The following RNF157 variants were observed in gnomAD, a reference collection of about 807,000 sequenced individuals.
RNF157 encodes the protein E3 ubiquitin ligase RNF157.
A neutral mutation model predicts 88.3 loss-of-function variants in RNF157; 55 were observed. The ratio of observed to expected loss-of-function variants is 0.62; its 90% CI spans 0.50 to 0.78. RNF157 has a LOEUF of 0.78. Ranked by LOEUF, RNF157 falls within the 30% of genes least tolerant of loss-of-function variation. The pLI, the probability that RNF157 is intolerant of heterozygous loss-of-function variation, is 0.00. For synonymous variants in RNF157, 334 were observed against 341.2 expected (o/e 0.98, Z 0.23); for missense variants, 788 against 860.8 (o/e 0.92, Z 1.06).
rs2068762834 is a variant in RNF157, at chr17:76,156,295, C to G, written c.1440G>C (p.Glu480Asp). 33 of 1,613,976 alleles carry G rather than the reference C, an allele frequency of 2.0e-5. No individual in the cohort carries two copies. The East Asian group carries it at 7.1e-4, about 35-fold the overall frequency. ...GEECGVTPES[E>D]NLTLSSSGAI... Reference sequence around the variant, plus strand: ...CTCCAGATGACGACAAGGTGAGATTCTCACTTTCTGGAGTCACACCACATT... The same window carrying G: ...CTCCAGATGACGACAAGGTGAGATTGTCACTTTCTGGAGTCACACCACATT... Residue 480 changes from glutamate (E) to aspartate (D), a missense_variant, in exon 14 of 19, where the codon GAG becomes GAC. Glu to Asp is a conservative substitution (Grantham distance 45). Coordinates refer to ENST00000269391, the MANE Select transcript of RNF157 (RefSeq NM_052916.3).
At chr17:76,166,261 C>T (rs2068922844) in intron 6 of RNF157, among the ~76,000 whole-genome samples, 200 bp downstream of exon 6, 1 of 150,586 alleles carries the variant, frequency 6.6e-6, no homozygotes, top group Admixed American at 6.6e-5. Context: ...ACGTGTGAGC[C>T]ACTGTGCCCA....
At chr17:76,226,465 G>A (rs771228854) in intron 1 of RNF157, 598 of 1,604,802 alleles carry the variant, frequency 3.7e-4, no homozygotes, top group Non-Finnish European at 4.8e-4. Context: ...CATCCAACGT[G>A]GTCAAAAGGT....
At chr17:76,164,294 AT>A (rs1481232675) in intron 8 of RNF157, 1 of 152,674 alleles carries the variant, frequency 6.5e-6, no homozygotes, top group Admixed American at 6.5e-5. Flanking sequence ...CTAACTTTGA[AT>A]TTTAGAAAAG....
chr17:76,171,256 T>C (rs2069010040), intron 3 of RNF157, among the ~76,000 whole-genome samples: 1 of 151,938 alleles, frequency 6.6e-6, no homozygotes, highest in Non-Finnish European at 1.5e-5. Context: ...TGGTACAATC[T>C]CGGCTCACTG....
At chr17:76,169,188 T>G (rs2068974168) in intron 3 of RNF157, among the ~76,000 whole-genome samples, 1 of 152,216 alleles carries the variant, frequency 6.6e-6, no homozygotes, top group Non-Finnish European at 1.5e-5. Context: ...TCTTTCTTCT[T>G]CTATTTTCCT....
chr17:76,216,980 G>GA (rs1718913538), intron 1 of RNF157, among the ~76,000 whole-genome samples: 1 of 152,234 alleles, frequency 6.6e-6, no homozygotes, highest in African/African-American at 2.4e-5. Flanking sequence ...AACTGGGAAT[G>GA]ATTTTCTCAA....
chr17:76,159,306 G>A (rs752159400), intron 12 of RNF157, 29 bp downstream of exon 12: 3 of 1,572,122 alleles, frequency 1.9e-6, no homozygotes, highest in South Asian at 1.1e-5. Context: ...GGATTCCGGG[G>A]GCAACAGTGT....
In RNF157 at chr17:76,147,126, G is replaced by A. The variant is rs1285893949; in HGVS notation, c.1922-1773C>T. The A allele has an allele frequency of 3.0e-6, 3 of 984,700 alleles. No individual in the cohort carries two copies. In the African/African-American group the frequency reaches 5.3e-5, roughly 17 times the overall value. 61.0% of individuals were successfully genotyped at this position (984,700 alleles called of 1,614,324 possible). On this transcript the variant is annotated intron_variant, in intron 18 of 18. Coordinates refer to ENST00000269391, the MANE Select transcript of RNF157 (RefSeq NM_052916.3). ...TGGAGCCTGGGACATGAGTCAAGGT[G>A]TTTTTTTTCACCTCTAATGGTGGCA...
chr17:76,180,578 T>C (rs2069173543), intron 2 of RNF157, among the ~76,000 whole-genome samples: 2 of 152,206 alleles, frequency 1.3e-5, no homozygotes, highest in African/African-American at 4.8e-5. Context: ...TTACTTTACA[T>C]ATTTTTTATC....
intron 1 of RNF157, among the ~76,000 whole-genome samples, chr17:76,223,561 A>T (rs2070026499): frequency 6.6e-6 from 1 of 152,206 alleles, no homozygotes; most frequent in Admixed American, 6.5e-5. Flanking sequence ...AAAGAGGGAT[A>T]ATGAATTGAT....
Position 76,172,751 on chromosome 17 carries a change from GA to G in RNF157, c.296+950del, listed in dbSNP as rs1181876878. Among the ~76,000 whole-genome samples the G allele has an allele frequency of 2.6e-5, 4 of 151,518 alleles. No homozygotes were observed. In the East Asian group the frequency reaches 7.8e-4, roughly 29 times the overall value. ...CTGAGTCATCTTCCTTGCCTATTCA[GA>G]AAAATCTGGGACCTTGATTTGCCCT... On this transcript the variant is annotated intron_variant, in intron 3 of 18. Transcript: ENST00000269391.
At position 76,240,243 on chromosome 17, in the gene RNF157, C is replaced by G; in HGVS notation, c.-3G>C. On this transcript the variant is annotated 5_prime_UTR_variant, in exon 1 of 19. Coordinates refer to ENST00000269391, the MANE Select transcript of RNF157 (RefSeq NM_052916.3). The surrounding 1 kb of genome is among the most constrained non-coding windows in gnomAD (Gnocchi z 4.4). ...TGCCGGCTCGTCAGGGCCCCCATGG[C>G]CGCTGCGGCTGCAGCCCCGGCCCGG... is the stretch of plus-strand genomic sequence containing the variant. The G allele has an allele frequency of 7.7e-7, 1 of 1,302,778 alleles. No individual in the cohort carries two copies. The allele number at this position is 1,302,778 out of a possible 1,614,324, so 80.7% of individuals were successfully genotyped here.
At chr17:76,188,816 G>A (rs993595645) in intron 2 of RNF157, among the ~76,000 whole-genome samples, 27 of 152,180 alleles carry the variant, frequency 1.8e-4, no homozygotes, top group African/African-American at 6.0e-4. Flanking sequence ...AAGATTTACA[G>A]TGGATAAACC....
intron 7 of RNF157, among the ~76,000 whole-genome samples, chr17:76,165,249 A>C (rs2068903547): frequency 6.6e-6 from 1 of 152,112 alleles, no homozygotes; most frequent in Admixed American, 6.5e-5. Context: ...CTAATTCTTT[A>C]AAGGTCTTAT....
At chr17:76,183,241 G>A (rs1223592637) in intron 2 of RNF157, among the ~76,000 whole-genome samples, 1 of 149,464 alleles carries the variant, frequency 6.7e-6, no homozygotes, top group Admixed American at 6.6e-5. Context: ...CCGGCCTCAC[G>A]TGGGAATATT....
At chr17:76,158,089 A>AT (rs1024085338) in intron 13 of RNF157, among the ~76,000 whole-genome samples, 2 of 151,966 alleles carry the variant, frequency 1.3e-5, no homozygotes, top group Admixed American at 6.6e-5. Flanking sequence ...GCACACATGT[A>AT]TTTTTTTACC....
chr17:76,210,259 T>C (rs12950642), intron 2 of RNF157, among the ~76,000 whole-genome samples: 54,915 of 151,918 alleles, frequency 0.36, 10,469 homozygotes, highest in East Asian at 0.72. Flanking sequence ...AAAAGTGTAC[T>C]ACTGGACGAA....
chr17:76,218,763 G>A (rs1322465081), intron 1 of RNF157, among the ~76,000 whole-genome samples: 1 of 151,880 alleles, frequency 6.6e-6, no homozygotes, highest in Non-Finnish European at 1.5e-5. Flanking sequence ...GTGAAACTTC[G>A]TCTCTACTAA....
At chr17:76,147,312 G>A (rs2068599901) in intron 18 of RNF157, 2 of 985,914 alleles carry the variant, frequency 2.0e-6, no homozygotes, top group Non-Finnish European at 2.4e-6. Flanking sequence ...AGCTGCGGCT[G>A]TTCAGTAGGA....
Sources: gnomAD v4.1 joint callset for allele counts (sites outside exome capture counted in the v4.1 genomes callset) on GRCh38, gnomAD v4.1.1 for gene constraint, Gnocchi (gnomAD v3.1) non-coding constraint, MANE v1.5 for transcripts, NCBI Gene and HGNC (gene_info 2026-07-23, HGNC 2026-07-21) for gene names.